Variants in ZNF566 observed in about 807,000 individuals in gnomAD.
ZNF566 encodes the protein zinc finger protein 566.
In ZNF566, 27 loss-of-function variants were observed where a neutral mutation model predicts 32.8. The observed-to-expected ratio is 0.82, with a 90% CI of 0.61 to 1.14. ZNF566 has a LOEUF of 1.14. Ranked by LOEUF, ZNF566 falls within the 50% of genes most tolerant of loss-of-function variation. The pLI, the probability that ZNF566 is intolerant of heterozygous loss-of-function variation, is 0.00. For synonymous variants in ZNF566, 154 were observed against 159.5 expected, an observed-to-expected ratio of 0.97 and a Z score of 0.26; for missense variants, 402 against 490.4, an observed-to-expected ratio of 0.82 and a Z score of 1.70.
At chr19:36,471,084 C>T (rs554790793) in intron 4 of ZNF566, among the ~76,000 whole-genome samples, 2 of 149,748 alleles carry the variant, frequency 1.3e-5, no homozygotes, top group African/African-American at 2.5e-5. Context: ...CATGGTGGCA[C>T]GCACCTGTAA....
In ZNF566 at chr19:36,449,633, A is replaced by G. The variant is rs745740382; in HGVS notation, c.601T>C (p.Cys201Arg). Reference sequence around the variant, plus strand: ...CTAAAGGACTTTCCACATTCCTTACATTCATAAGGCTTCTCAATGGTATGA... The same window carrying G: ...CTAAAGGACTTTCCACATTCCTTACGTTCATAAGGCTTCTCAATGGTATGA... Reference protein sequence around the residue: ...IIHTIEKPYECKECGKSFRHP... With the variant: ...IIHTIEKPYERKECGKSFRHP... Residue 201 changes from cysteine (C) to arginine (R), a missense_variant, in exon 5 of 5, where the codon TGT (cysteine) becomes CGT (arginine). Physicochemically the swap from Cys to Arg is radical, Grantham distance 180 (BLOSUM62 -3). Coordinates refer to ENST00000452939, the MANE Select transcript of ZNF566 (RefSeq NM_001145344.1). 5 of 1,614,050 alleles carry G rather than the reference A, an allele frequency of 3.1e-6. No homozygotes were observed. The South Asian group carries it at 3.3e-5, about 11-fold the overall frequency.
chr19:36,483,139 C>T (rs111502841), intron 1 of ZNF566, among the ~76,000 whole-genome samples: 8 of 152,320 alleles, frequency 5.3e-5, no homozygotes, highest in African/African-American at 1.9e-4. Flanking sequence ...GACAAGCCAA[C>T]TTACTAGCTT....
Position 36,480,131 on chromosome 19 carries a change from G to C in ZNF566, c.-59-3515C>G, listed in dbSNP as rs183539295. On this transcript the variant is annotated intron_variant, in intron 1 of 4. Transcript: ENST00000452939. ...ATAATAGCCGAGATAGCTTGGAAAA[G>C]AAAAAAAGTAGGAGGACTAAAACTA... Among the ~76,000 whole-genome samples, 269 of 151,670 alleles carry C rather than the reference G, an allele frequency of 1.8e-3. 15 individuals are homozygous for C. In the South Asian group the frequency reaches 0.052, roughly 29 times the overall value.
At chr19:36,488,063 T>G (rs112750276) in intron 1 of ZNF566, among the ~76,000 whole-genome samples, 8 of 152,184 alleles carry the variant, frequency 5.3e-5, no homozygotes, top group African/African-American at 1.9e-4. Context: ...AGCTGTACAC[T>G]TAAGATTTGC....
intron 4 of ZNF566, among the ~76,000 whole-genome samples, chr19:36,457,181 A>G (rs2033337824): frequency 6.6e-6 from 1 of 152,224 alleles, no homozygotes; most frequent in African/African-American, 2.4e-5. Context: ...TGGTGATGAG[A>G]AACTGGATAG....
At chr19:36,481,341 C>T (rs1163278908) in intron 1 of ZNF566, among the ~76,000 whole-genome samples, 3 of 149,428 alleles carry the variant, frequency 2.0e-5, no homozygotes, top group African/African-American at 4.9e-5. Context: ...CGTGGCGGCA[C>T]GCGCCTGTAG....
At chr19:36,466,394 G>A (rs529474321) in intron 4 of ZNF566, among the ~76,000 whole-genome samples, 1 of 152,284 alleles carries the variant, frequency 6.6e-6, no homozygotes, top group South Asian at 2.1e-4. Flanking sequence ...AAATGGCACA[G>A]TAAGTTGGTT....
At chr19:36,475,105 GCA>G in intron 2 of ZNF566, among the ~76,000 whole-genome samples, 1 of 152,158 alleles carries the variant, frequency 6.6e-6, no homozygotes, top group Non-Finnish European at 1.5e-5. Context: ...AAGTGCAGTG[GCA>G]TGATCACATC....
At chr19:36,481,895 A>C (rs2034041607) in intron 1 of ZNF566, among the ~76,000 whole-genome samples, 1 of 152,220 alleles carries the variant, frequency 6.6e-6, no homozygotes, top group Non-Finnish European at 1.5e-5. Context: ...AAGAATTATG[A>C]ATATCTCTTT....
Position 36,477,524 on chromosome 19 carries a change from C to CT in ZNF566, c.-59-909dup, listed in dbSNP as rs1568528960. 1.0e-4 allele frequency among the ~76,000 whole-genome samples: 11 copies of CT among 106,718 alleles called. 1 individual carries two copies. The highest frequency in any genetic ancestry group is 3.8e-4 in the African/African-American group (10 of 26,576). The allele number at this position is 106,718 out of a possible 152,430, so 70.0% of individuals were successfully genotyped here. A position where few individuals can be genotyped will look rare whatever the true frequency, so the allele number is the denominator to read the frequency against. ...CCTGGGTCAAACCAGTTTTCTGTTT[C>CT]TGTTTTTTTTTTGTTTGTTTGTTTG... On this transcript the variant is annotated intron_variant, in intron 1 of 4. Coordinates refer to ENST00000452939, the MANE Select transcript of ZNF566 (RefSeq NM_001145344.1).
Position 36,471,213 on chromosome 19 carries a change from C to CAA in ZNF566, c.232+1696_232+1697dup, listed in dbSNP as rs66905791. Among the ~76,000 whole-genome samples, 6 of 107,480 alleles carry CAA rather than the reference C, an allele frequency of 5.6e-5. No homozygotes were observed. In the East Asian group the frequency reaches 9.6e-4, roughly 17 times the overall value. 70.5% of individuals were successfully genotyped at this position (107,480 alleles called of 152,430 possible). A position where few individuals can be genotyped will look rare whatever the true frequency, so the allele number is the denominator to read the frequency against. On this transcript the variant is annotated intron_variant, in intron 4 of 4. Coordinates refer to ENST00000452939, the MANE Select transcript of ZNF566 (RefSeq NM_001145344.1). ...TGGGCGACAGAGCGAGACTCTGTCT[C>CAA]AAAAAAAAAAAAAAAAAAATAATGA...
At chr19:36,461,088 T>C (rs2033448819) in intron 4 of ZNF566, among the ~76,000 whole-genome samples, 1 of 152,152 alleles carries the variant, frequency 6.6e-6, no homozygotes, top group Non-Finnish European at 1.5e-5. Context: ...TAAAAGAGCT[T>C]GTACCCCTTC....
chr19:36,487,346 G>C (rs2034193143), intron 1 of ZNF566, among the ~76,000 whole-genome samples: 1 of 151,932 alleles, frequency 6.6e-6, no homozygotes, highest in Admixed American at 6.6e-5. Flanking sequence ...GTATTAACCC[G>C]GGAGAAAAGC....
In ZNF566 at chr19:36,449,173, AGGTCT is replaced by A; in HGVS notation, c.1056_1060del (p.Asp353TyrfsTer2). The A allele has an allele frequency of 6.2e-7, 1 of 1,614,084 alleles. No individual in the cohort carries two copies. The highest frequency in any genetic ancestry group is 1.1e-5 in the South Asian group (1 of 91,076). ...AGTATGAATTCTCTGATGTCTAGTA[AGGTCT>A]GAGCCAGAACGAAAAGCCTTTTCAC... On this transcript the variant is annotated frameshift_variant, in exon 5 of 5. Transcript: ENST00000452939. LOFTEE classifies it high-confidence loss of function.
intron 1 of ZNF566, among the ~76,000 whole-genome samples, chr19:36,476,868 T>C (rs1255827322): frequency 6.6e-6 from 1 of 152,200 alleles, no homozygotes; most frequent in African/African-American, 2.4e-5. Context: ...TAGATTTTTT[T>C]AACTCATATT....
intron 1 of ZNF566, among the ~76,000 whole-genome samples, chr19:36,482,357 G>C (rs1013259559): frequency 1.3e-5 from 2 of 152,022 alleles, no homozygotes; most frequent in Non-Finnish European, 2.9e-5. Context: ...CGCCGGCCTC[G>C]GCCTCCCAAA....
In ZNF566 at chr19:36,473,080, T is replaced by C. The variant is rs1431310931; in HGVS notation, c.137-74A>G. The C allele has an allele frequency of 6.6e-6, 9 of 1,357,276 alleles. No individual in the cohort carries two copies. In the East Asian group the frequency reaches 6.9e-5, roughly 10 times the overall value. The allele number at this position is 1,357,276 out of a possible 1,614,324, so 84.1% of individuals were successfully genotyped here. ...GAATTCAAATCCAGTCCCTTCATTA[T>C]AAAGAAAGACATGGCATTATGAGAA... is the stretch of plus-strand genomic sequence containing the variant. On this transcript the variant is annotated intron_variant, in intron 3 of 4. Transcript: ENST00000452939.
At chr19:36,487,329 C>A (rs565252945) in intron 1 of ZNF566, among the ~76,000 whole-genome samples, 1 of 152,150 alleles carries the variant, frequency 6.6e-6, no homozygotes, top group Non-Finnish European at 1.5e-5. Context: ...AGCAATGCCA[C>A]TCCTAAGTAT....
chr19:36,489,559 C>T lies in ZNF566; in HGVS notation c.-133G>A, dbSNP rs971671360. ...TAAAGCCCTGAGGGTCCCGCCAGCG[C>T]GTGAGTTGGAAGCTGAATTACCGCG... On this transcript the variant is annotated 5_prime_UTR_variant, in exon 1 of 5. Coordinates refer to ENST00000452939, the MANE Select transcript of ZNF566 (RefSeq NM_001145344.1). The T allele has an allele frequency of 3.1e-5, 11 of 357,058 alleles. No individual in the cohort carries two copies. The highest frequency in any genetic ancestry group is 1.9e-4 in the South Asian group (9 of 47,788). 22.1% of individuals were successfully genotyped at this position (357,058 alleles called of 1,614,324 possible). A position where few individuals can be genotyped will look rare whatever the true frequency, so the allele number is the denominator to read the frequency against.
Sources: allele counts gnomAD v4.1 joint callset (sites outside exome capture counted in the v4.1 genomes callset), GRCh38; gene constraint gnomAD v4.1.1; transcripts MANE v1.5; gene names NCBI Gene and HGNC (gene_info 2026-07-23, HGNC 2026-07-21).